ADAMTS18: variants seen among roughly 807,000 people sequenced by gnomAD.
ADAMTS18 encodes the protein ADAM metallopeptidase with thrombospondin type 1 motif 18.
In ADAMTS18, 157 loss-of-function variants were observed where a neutral mutation model predicts 165.9. That is an observed-to-expected ratio of 0.95 (90% confidence interval 0.83 to 1.08). The LOEUF is 1.08. Among genes scored for constraint, ADAMTS18 ranks in the 50% least tolerant of loss-of-function variants. The pLI, the probability that ADAMTS18 is intolerant of heterozygous loss-of-function variation, is 0.00. For synonymous variants in ADAMTS18, 782 were observed against 578.2 expected, an observed-to-expected ratio of 1.35 and a Z score of -5.06; for missense variants, 2,040 against 1,534.0, an observed-to-expected ratio of 1.33 and a Z score of -5.51.
chr16:77,412,873 C>G (rs763961150), intron 3 of ADAMTS18, among the ~76,000 whole-genome samples: 1 of 151,978 alleles, frequency 6.6e-6, no homozygotes, highest in Non-Finnish European at 1.5e-5. Context: ...GGGATACAGC[C>G]AAACCATATC....
chr16:77,344,093 T>C (rs1011025099), intron 10 of ADAMTS18, among the ~76,000 whole-genome samples: 19 of 147,970 alleles, frequency 1.3e-4, no homozygotes, highest in African/African-American at 4.7e-4. Flanking sequence ...TGAGAAAACA[T>C]AGGGAAACCA....
At chr16:77,342,782 T>A (rs1011215753) in intron 10 of ADAMTS18, among the ~76,000 whole-genome samples, 2 of 152,230 alleles carry the variant, frequency 1.3e-5, no homozygotes, top group African/African-American at 4.8e-5. Context: ...AAGTTACAGA[T>A]GCAATTGAGG....
rs2057741549 is a variant in ADAMTS18, at chr16:77,431,581, T to C, written c.209A>G (p.Asp70Gly). ...GTGTGAAATATATGACCCGGCTGAG[T>C]CTACTTCTACTGGCGTGACAAAGAC... is the stretch of plus-strand genomic sequence containing the variant. ...DYVFVTPVEV[D>G]SAGSYISHDI... Residue 70 changes from aspartate (D) to glycine (G), a missense_variant, in exon 3 of 23, where the codon GAC (aspartate) becomes GGC (glycine). Asp to Gly is a moderately conservative substitution (Grantham distance 94). Coordinates refer to ENST00000282849, the MANE Select transcript of ADAMTS18 (RefSeq NM_199355.4). The C allele has an allele frequency of 6.2e-6, 10 of 1,613,958 alleles. No individual in the cohort carries two copies. The highest frequency in any genetic ancestry group is 6.8e-6 in the Non-Finnish European group (8 of 1,180,018).
At chr16:77,415,486 A>G (rs1391979144) in intron 3 of ADAMTS18, among the ~76,000 whole-genome samples, 1 of 152,160 alleles carries the variant, frequency 6.6e-6, no homozygotes, top group Non-Finnish European at 1.5e-5. Flanking sequence ...ATTATCTTCC[A>G]TCCTCTTTGC....
intron 13 of ADAMTS18, among the ~76,000 whole-genome samples, chr16:77,325,368 A>T (rs934001148): frequency 2.6e-5 from 4 of 152,182 alleles, no homozygotes; most frequent in Admixed American, 1.3e-4. Flanking sequence ...TAAGTATAGT[A>T]AGTACCAAGA....
intron 3 of ADAMTS18, among the ~76,000 whole-genome samples, chr16:77,420,787 T>C (rs1281284965): frequency 6.6e-6 from 1 of 152,136 alleles, no homozygotes; most frequent in Non-Finnish European, 1.5e-5. Flanking sequence ...GACTCAATAA[T>C]TAAGGCAGGG....
chr16:77,340,276 G>A (rs185922489), intron 11 of ADAMTS18, among the ~76,000 whole-genome samples: 139 of 152,322 alleles, frequency 9.1e-4, no homozygotes, highest in Non-Finnish European at 1.7e-3. Context: ...CAGGATGCAA[G>A]TGATTCTCAT....
chr16:77,301,028 G>A (rs1034019395), intron 16 of ADAMTS18, among the ~76,000 whole-genome samples: 2 of 152,146 alleles, frequency 1.3e-5, no homozygotes, highest in Non-Finnish European at 2.9e-5. Flanking sequence ...TTAACTGTGT[G>A]CTAGGATGAG....
chr16:77,312,957 G>A (rs2055810876), intron 16 of ADAMTS18, among the ~76,000 whole-genome samples: 2 of 152,196 alleles, frequency 1.3e-5, no homozygotes, highest in East Asian at 1.9e-4. Context: ...TATACCCAAA[G>A]GATTATAAAT....
intron 11 of ADAMTS18, 36 bp downstream of exon 11, chr16:77,341,668 T>C: frequency 6.4e-7 from 1 of 1,553,824 alleles, no homozygotes; most frequent in East Asian, 2.3e-5. Context: ...CCTTATCAAA[T>C]TTCTGGAGCT....
chr16:77,367,792 C>A, intron 3 of ADAMTS18, 69 bp from the exon 4 acceptor site: 1 of 1,588,922 alleles, frequency 6.3e-7, no homozygotes, highest in Non-Finnish European at 8.6e-7. Flanking sequence ...TGGTTTTCAA[C>A]AACTGCTTCT....
chr16:77,345,482 T>C (rs535177975), intron 10 of ADAMTS18, among the ~76,000 whole-genome samples: 8 of 152,142 alleles, frequency 5.3e-5, no homozygotes, highest in African/African-American at 1.7e-4. Flanking sequence ...TATGGCCACC[T>C]TCCATTTCTA....
At chr16:77,344,815 G>T (rs1012542557) in intron 10 of ADAMTS18, among the ~76,000 whole-genome samples, 9 of 152,040 alleles carry the variant, frequency 5.9e-5, no homozygotes, top group Non-Finnish European at 8.8e-5. Context: ...TTCTGCGGTG[G>T]AGTACAGAAG....
intron 3 of ADAMTS18, among the ~76,000 whole-genome samples, chr16:77,388,088 T>G (rs1388244215): frequency 6.6e-6 from 1 of 152,182 alleles, no homozygotes; most frequent in African/African-American, 2.4e-5. Context: ...CAAGGCTAGA[T>G]TCACCTACTC....
intron 8 of ADAMTS18, 35 bp from the exon 9 acceptor site, chr16:77,356,112 G>A (rs766815178): frequency 6.2e-7 from 1 of 1,613,816 alleles, no homozygotes; most frequent in South Asian, 1.1e-5. Flanking sequence ...ATCCTGCTTT[G>A]TGAACCCATT....
chr16:77,291,014 T>C (rs2055351844), intron 21 of ADAMTS18: 1 of 440,924 alleles, frequency 2.3e-6, no homozygotes, highest in East Asian at 4.5e-5. Context: ...GGTAAGTGTT[T>C]TACATACATT....
intron 17 of ADAMTS18, among the ~76,000 whole-genome samples, chr16:77,298,955 A>T (rs2055528509): frequency 6.6e-6 from 1 of 152,240 alleles, no homozygotes; most frequent in Admixed American, 6.5e-5. Flanking sequence ...GAATTTCACA[A>T]CTGGCTTCCT....
intron 3 of ADAMTS18, among the ~76,000 whole-genome samples, chr16:77,382,075 G>A (rs62043598): frequency 1.3e-5 from 2 of 151,988 alleles, no homozygotes; most frequent in East Asian, 3.9e-4. Flanking sequence ...TGCAACAGCC[G>A]CGCCACATCC....
chr16:77,331,419 T>G (rs1316889392), intron 12 of ADAMTS18, among the ~76,000 whole-genome samples: 1 of 152,142 alleles, frequency 6.6e-6, no homozygotes, highest in African/African-American at 2.4e-5. Context: ...ATGGCTGCAT[T>G]CAAAGTATCA....
Sources: allele counts gnomAD v4.1 joint callset (sites outside exome capture counted in the v4.1 genomes callset), GRCh38; gene constraint gnomAD v4.1.1; transcripts MANE v1.5; gene names NCBI Gene and HGNC (gene_info 2026-07-23, HGNC 2026-07-21).